The following SOX6 variants were observed in gnomAD, a reference collection of about 807,000 sequenced individuals.
The protein encoded by SOX6 is SRY-box transcription factor 6, also known as transcription factor SOX-6.
In SOX6, 11 loss-of-function variants were observed where a neutral mutation model predicts 97.8. That is an observed-to-expected ratio of 0.11 (90% CI 0.07 to 0.19). The LOEUF is 0.19. Among genes scored for constraint, SOX6 ranks in the 10% least tolerant of loss-of-function variants. The probability of loss-of-function intolerance (pLI) is 1.00; values close to 1 mark genes in which losing one functional copy is unlikely to be tolerated. For missense variants in SOX6, 810 were observed against 1,039.5 expected (o/e 0.78, Z 3.04); for synonymous variants, 360 against 371.4 (o/e 0.97, Z 0.35).
chr11:16,554,628 T>A (rs1374497705), intron 4 of SOX6, among the ~76,000 whole-genome samples: 1 of 152,148 alleles, frequency 6.6e-6, no homozygotes, highest in East Asian at 1.9e-4. Flanking sequence ...CTTACTCTCT[T>A]AACAATTGAA....
chr11:16,065,745 A>G (rs1054673418), intron 9 of SOX6, among the ~76,000 whole-genome samples: 1 of 152,130 alleles, frequency 6.6e-6, no homozygotes, highest in Non-Finnish European at 1.5e-5. Flanking sequence ...CTAGCCTTAT[A>G]CAAAAATCAA....
At chr11:16,307,617 A>G (rs1394507256) in intron 3 of SOX6, among the ~76,000 whole-genome samples, 1 of 152,200 alleles carries the variant, frequency 6.6e-6, no homozygotes, top group East Asian at 1.9e-4. Flanking sequence ...TAGTAAAGGC[A>G]TTCTGGAGTG....
chr11:16,008,129 A>G (rs371557021), intron 13 of SOX6, among the ~76,000 whole-genome samples: 3 of 152,094 alleles, frequency 2.0e-5, no homozygotes, highest in South Asian at 2.1e-4. Flanking sequence ...TACTTATGTT[A>G]CCTTATACAA....
intron 3 of SOX6, among the ~76,000 whole-genome samples, chr11:16,658,573 T>C (rs1847742128): frequency 6.6e-6 from 1 of 152,026 alleles, no homozygotes; most frequent in African/African-American, 2.4e-5. Context: ...CCAGGCGTGG[T>C]GGCGGGCACC....
intron 1 of SOX6, among the ~76,000 whole-genome samples, chr11:16,439,399 C>A (rs1189900616): frequency 2.0e-5 from 3 of 152,146 alleles, no homozygotes; most frequent in African/African-American, 2.4e-5. Context: ...TGGCATTTAT[C>A]AACTGCTCAC....
At chr11:16,267,809 T>C (rs1415417961) in intron 3 of SOX6, among the ~76,000 whole-genome samples, 1 of 151,458 alleles carries the variant, frequency 6.6e-6, no homozygotes, top group African/African-American at 2.4e-5. Context: ...TGTCCATCAA[T>C]GGATGAATGG....
chr11:16,402,951 G>T, intron 1 of SOX6: 1 of 959,948 alleles, frequency 1.0e-6, no homozygotes, highest in Non-Finnish European at 1.6e-6. Context: ...TTTACACCAA[G>T]GTGGGGGAGA....
chr11:16,362,286 C>T (rs185911959), intron 1 of SOX6, among the ~76,000 whole-genome samples: 6 of 152,220 alleles, frequency 3.9e-5, no homozygotes, highest in Admixed American at 1.3e-4. Flanking sequence ...CTCCACATTT[C>T]CCCCTTTGAA....
intron 3 of SOX6, among the ~76,000 whole-genome samples, chr11:16,243,906 T>C (rs904282174): frequency 1.3e-5 from 2 of 152,012 alleles, no homozygotes; most frequent in South Asian, 2.1e-4. Flanking sequence ...GTGTGTATAA[T>C]GTGTATCTAT....
At chr11:16,447,024 C>T (rs931163994) in intron 1 of SOX6, among the ~76,000 whole-genome samples, 15 of 131,860 alleles carry the variant, frequency 1.1e-4, no homozygotes, top group African/African-American at 4.2e-4. Context: ...CTTTCTTCCT[C>T]CCTCTCTCCC....
chr11:16,135,608 G>A (rs565360306), intron 6 of SOX6, among the ~76,000 whole-genome samples: 2 of 152,324 alleles, frequency 1.3e-5, no homozygotes, highest in South Asian at 4.1e-4. Flanking sequence ...GCCTGAAGAT[G>A]TGACTGAATT....
intron 4 of SOX6, among the ~76,000 whole-genome samples, chr11:16,592,562 T>C (rs911126478): frequency 6.6e-6 from 1 of 152,026 alleles, no homozygotes; most frequent in Non-Finnish European, 1.5e-5. Context: ...AGAATGACCA[T>C]ATAATTTAAC....
In SOX6 at chr11:16,541,596, C is replaced by A. The variant is rs543660989; in HGVS notation, n.610-65208G>T. Among the ~76,000 whole-genome samples, 403 of 151,898 alleles carry A rather than the reference C, an allele frequency of 2.7e-3. 4 individuals carry two copies. The highest frequency in any genetic ancestry group is 3.7e-3 in the Non-Finnish European group (253 of 67,956). ...ACAAAGGACTAATATCCAGAATCTA[C>A]AAAGAAGTTAAACAAATTTACAAGA... On this transcript the variant is annotated intron_variant and non_coding_transcript_variant, in intron 4 of 5. Coordinates refer to the SOX6 transcript ENST00000524520.
At chr11:16,319,014 G>A (rs1855830992) in intron 2 of SOX6, among the ~76,000 whole-genome samples, 1 of 152,044 alleles carries the variant, frequency 6.6e-6, no homozygotes, top group Non-Finnish European at 1.5e-5. Flanking sequence ...CTAATTATTA[G>A]GCTTGGTAAA....
intron 3 of SOX6, among the ~76,000 whole-genome samples, chr11:16,695,438 G>A (rs140909736): frequency 1.5e-3 from 236 of 152,278 alleles, no homozygotes; most frequent in Middle Eastern, 3.4e-3. Flanking sequence ...AGAAAAATGA[G>A]TGGAGTAAAT....
rs1853967517 is a variant in SOX6, at chr11:15,989,237, T to C, written c.1733-7A>G. 10 of 1,589,772 alleles carry C rather than the reference T, an allele frequency of 6.3e-6. No homozygotes were observed. The highest frequency in any genetic ancestry group is 4.5e-5 in the South Asian group (4 of 88,910). ...CCATTCATTGCTTTACTTCCTGTAATGTCAGGGCAGGAAGAACAAGATGAG... is the reference window on the plus strand; with the variant it reads ...CCATTCATTGCTTTACTTCCTGTAACGTCAGGGCAGGAAGAACAAGATGAG... On this transcript the variant is annotated splice_region_variant and splice_polypyrimidine_tract_variant and intron_variant, in intron 13 of 15. Transcript: ENST00000683767.
intron 6 of SOX6, among the ~76,000 whole-genome samples, chr11:16,149,257 T>C (rs898039511): frequency 1.3e-5 from 2 of 152,126 alleles, no homozygotes; most frequent in Non-Finnish European, 2.9e-5. Flanking sequence ...AAACCATAGG[T>C]AAGTTATTTG....
intron 10 of SOX6, among the ~76,000 whole-genome samples, chr11:16,052,095 T>C (rs1466083998): frequency 2.0e-5 from 3 of 152,184 alleles, no homozygotes; most frequent in African/African-American, 2.4e-5. Context: ...TTCTTGAACA[T>C]ATGGAGTTTA....
chr11:16,461,099 C>G (rs778517237), intron 1 of SOX6, among the ~76,000 whole-genome samples: 1 of 152,126 alleles, frequency 6.6e-6, no homozygotes, highest in Non-Finnish European at 1.5e-5. Flanking sequence ...GATTTGCACA[C>G]TGACAAGAGA....
Sources: allele counts gnomAD v4.1 joint callset (sites outside exome capture counted in the v4.1 genomes callset), GRCh38; gene constraint gnomAD v4.1.1; transcripts MANE v1.5; gene names NCBI Gene and HGNC (gene_info 2026-07-23, HGNC 2026-07-21).